HINT2: variants seen among roughly 807,000 people sequenced by gnomAD.
HINT2 encodes the protein histidine triad nucleotide binding protein 2.
HINT2 carries 17 observed loss-of-function variants against 20.0 expected under a neutral mutation model. The observed-to-expected ratio is 0.85, with a 90% CI of 0.58 to 1.27. The LOEUF is 1.27. Ranked by LOEUF, HINT2 falls within the 50% of genes most tolerant of loss-of-function variation. HINT2 has a pLI of 0.00. For missense variants in HINT2, 217 were observed against 211.9 expected (o/e 1.02, Z -0.15); for synonymous variants, 96 against 84.2 (o/e 1.14, Z -0.77).
rs985224047 is a variant in HINT2, at chr9:35,815,009, G to C, written c.-30C>G. Reference sequence around the variant, plus strand: ...CCTGAGCCGCGGGAACCTCTCACCCGGGTCAGCACTCGGCTCCGCGGCCGG... The same window carrying C: ...CCTGAGCCGCGGGAACCTCTCACCCCGGTCAGCACTCGGCTCCGCGGCCGG... On this transcript the variant is annotated 5_prime_UTR_variant, in exon 1 of 5. Coordinates refer to ENST00000259667, the MANE Select transcript of HINT2 (RefSeq NM_032593.3). The C allele has an allele frequency of 2.1e-6, 3 of 1,413,148 alleles. No individual in the cohort carries two copies. Among genetic ancestry groups the C allele is most frequent in the Non-Finnish European group, 1.8e-6 (2 of 1,089,644 alleles). The allele number at this position is 1,413,148 out of a possible 1,614,324, so 87.5% of individuals were successfully genotyped here.
chr9:35,814,690 C>A (rs1303889365), intron 1 of HINT2: 3 of 517,128 alleles, frequency 5.8e-6, no homozygotes, highest in South Asian at 5.5e-5. Context: ...GACCTCGGCG[C>A]CCCGGCCTGC....
rs1564001991 is a variant in HINT2, at chr9:35,813,687, A to AGGATCCGGGAGAAGATGGTTG, written c.158_178dup (p.Pro53_Ile59dup). 6.2e-7 allele frequency: 1 copy of AGGATCCGGGAGAAGATGGTTG among 1,614,218 alleles called. No individual in the cohort carries two copies. The highest frequency in any genetic ancestry group is 2.2e-5 in the East Asian group (1 of 44,880). On this transcript the variant is annotated inframe_insertion, in exon 2 of 5. Transcript: ENST00000259667. ...AATGTCAGCTGGGAGGCTCTTGTCC[A>AGGATCCGGGAGAAGATGGTTG]GGATCCGGGAGAAGATGGTTGGGGC...
At chr9:35,813,886 C>T in intron 1 of HINT2, 102 bp from the exon 2 acceptor site, 2 of 1,353,612 alleles carry the variant, frequency 1.5e-6, no homozygotes, top group South Asian at 2.9e-5. Context: ...CGTTCCCACC[C>T]AGGAGGAAAG....
chr9:35,814,987 G>A lies in HINT2; in HGVS notation c.-8C>T. On this transcript the variant is annotated 5_prime_UTR_variant, in exon 1 of 5. Coordinates refer to ENST00000259667, the MANE Select transcript of HINT2 (RefSeq NM_032593.3). ...CACCACGGCTGCCGCCATCTTCCCT[G>A]AGCCGCGGGAACCTCTCACCCGGGT... The A allele has an allele frequency of 6.9e-7, 1 of 1,458,536 alleles. No homozygotes were observed. The highest frequency in any genetic ancestry group is 1.5e-5 in the African/African-American group (1 of 67,860). The allele number at this position is 1,458,536 out of a possible 1,614,324, so 90.3% of individuals were successfully genotyped here. A position where few individuals can be genotyped will look rare whatever the true frequency, so the allele number is the denominator to read the frequency against.
At position 35,813,791 on chromosome 9, in the gene HINT2, G is replaced by T. The variant is rs750288278; in HGVS notation, c.82-7C>A. 1 of 1,609,688 alleles carries T rather than the reference G, an allele frequency of 6.2e-7. No homozygotes were observed. Among genetic ancestry groups the T allele is most frequent in the East Asian group, 2.2e-5 (1 of 44,786 alleles). The stretch of plus-strand genomic sequence containing the variant: ...CACCTGCAGCTCCTCGGACCTGAAG[G>T]TGGATCGACCATATTCAAAGGAGGG... On this transcript the variant is annotated splice_region_variant and splice_polypyrimidine_tract_variant and intron_variant, in intron 1 of 4. Coordinates refer to ENST00000259667, the MANE Select transcript of HINT2 (RefSeq NM_032593.3).
At chr9:35,814,794 C>A in intron 1 of HINT2, 105 bp downstream of exon 1, 1 of 1,011,122 alleles carries the variant, frequency 9.9e-7, no homozygotes. Flanking sequence ...GGGCAGAGGC[C>A]ACAGGCAGGA....
chr9:35,813,830 T>C (rs1285664298), intron 1 of HINT2, 46 bp from the exon 2 acceptor site: 1 of 1,572,398 alleles, frequency 6.4e-7, no homozygotes, highest in African/African-American at 1.4e-5. Flanking sequence ...TGGCAGAAGC[T>C]GGGCTCTGAT....
upstream of HINT2, chr9:35,815,301 T>G: frequency 3.4e-6 from 1 of 292,216 alleles, no homozygotes; most frequent in East Asian, 6.2e-5. Context: ...TCCACTCCAT[T>G]GGAAGGATTA....
upstream of HINT2, chr9:35,815,083 G>T: frequency 9.4e-7 from 1 of 1,062,518 alleles, no homozygotes. Context: ...TGGCGGCCGG[G>T]CGAGCCCTGC....
chr9:35,815,067 G>C (rs1373615829), upstream of HINT2: 1 of 1,208,122 alleles, frequency 8.3e-7, no homozygotes, highest in South Asian at 1.9e-5. Flanking sequence ...CGGGGAAGCG[G>C]GGTAGTGGCG....
rs555207559 is a variant in HINT2 at position 35,813,146 on chromosome 9, C to T, written c.401-1G>A. 1.2e-6 allele frequency: 2 copies of T among 1,614,136 alleles called. No homozygotes were observed. The highest frequency in any genetic ancestry group is 1.3e-5 in the African/African-American group (1 of 75,024). On this transcript the variant is annotated splice_acceptor_variant, in intron 4 of 4. Coordinates refer to ENST00000259667, the MANE Select transcript of HINT2 (RefSeq NM_032593.3). LOFTEE classifies it high-confidence loss of function. ...GCACCCAGCTTCCCATCGTTGATCA[C>T]TGAAATTGAGCTTGGGGTTAGGGAG...
upstream of HINT2, chr9:35,815,108 G>C (rs1828989047): frequency 4.8e-6 from 4 of 828,328 alleles, no homozygotes; most frequent in Admixed American, 8.6e-5. Context: ...CCATTGGAGC[G>C]CGCCTCTGAG....
Position 35,813,448 on chromosome 9 carries a change from C to T in HINT2, c.324G>A (p.Gln108=), listed in dbSNP as rs775865183. ...PRISQAEEED[Q]QLLGHLLLVA... ...ACCCTGGCCCTGTTCTTCCCACCTG[C>T]TGGTCTTCTTCTTCAGCCTGGCTAA... The change falls in exon 3 of 5, where the codon CAG becomes CAA. Residue 108 remains glutamine, a synonymous_variant. Transcript: ENST00000259667. The T allele has an allele frequency of 6.2e-7, 1 of 1,614,192 alleles. No homozygotes were observed. Among genetic ancestry groups the T allele is most frequent in the Admixed American group, 1.7e-5 (1 of 60,028 alleles).
intron 1 of HINT2, 63 bp downstream of exon 1, chr9:35,814,836 C>G: frequency 7.2e-7 from 1 of 1,380,014 alleles, no homozygotes; most frequent in Non-Finnish European, 9.6e-7. Context: ...CTTCGGGACC[C>G]CCTGGCCCCG....
In HINT2 at chr9:35,813,803, T is replaced by C. The variant is rs1245786660; in HGVS notation, c.82-19A>G. 1.9e-6 allele frequency: 3 copies of C among 1,600,538 alleles called. No homozygotes were observed. The highest frequency in any genetic ancestry group is 1.3e-5 in the African/African-American group (1 of 74,600). On this transcript the variant is annotated intron_variant, in intron 1 of 4. Coordinates refer to ENST00000259667, the MANE Select transcript of HINT2 (RefSeq NM_032593.3). Reference sequence around the variant, plus strand: ...CTCGGACCTGAAGGTGGATCGACCATATTCAAAGGAGGGAGCTGGCAGAAG... The same window carrying C: ...CTCGGACCTGAAGGTGGATCGACCACATTCAAAGGAGGGAGCTGGCAGAAG...
At chr9:35,813,992 G>A in intron 1 of HINT2, 2 of 585,062 alleles carry the variant, frequency 3.4e-6, no homozygotes, top group Admixed American at 3.1e-5. Flanking sequence ...ATTCAGCAGT[G>A]CAATTGATTC....
Position 35,813,515 on chromosome 9 carries a change from G to A in HINT2, c.257C>T (p.Pro86Leu). 1 of 1,614,206 alleles carries A rather than the reference G, an allele frequency of 6.2e-7. No homozygotes were observed. The highest frequency in any genetic ancestry group is 1.3e-5 in the African/African-American group (1 of 75,052). ...LVFRDVAPQA[P>L]VHFLVIPKKP... is the part of the protein sequence containing the mutation. ...CTTAGGAATGACCAGGAAGTGCACA[G>A]GAGCCTGAGGGGCCACATCACGGAA... The change falls in exon 3 of 5, where the codon CCT becomes CTT. Residue 86 changes from proline to leucine, a missense_variant. Pro to Leu is a moderately conservative substitution (Grantham distance 98). Coordinates refer to ENST00000259667, the MANE Select transcript of HINT2 (RefSeq NM_032593.3).
In HINT2 at chr9:35,813,755, C is replaced by A. The variant is rs1424616344; in HGVS notation, c.111G>T (p.Gly37=). 6.2e-7 allele frequency: 1 copy of A among 1,613,776 alleles called. No individual in the cohort carries two copies. The highest frequency in any genetic ancestry group is 8.5e-7 in the Non-Finnish European group (1 of 1,179,830). Residue 37 remains glycine (G), a synonymous_variant, in exon 2 of 5, where the codon GGG becomes GGT. Coordinates refer to ENST00000259667, the MANE Select transcript of HINT2 (RefSeq NM_032593.3). ...CCTGCTGGGCCTTGGCCACTTCATT[C>A]CCATCAGTCACACCTGCAGCTCCTC... is the stretch of plus-strand genomic sequence containing the variant. ...QVRGAAGVTD[G]NEVAKAQQAT... is the part of the protein sequence containing the mutation.
intron 3 of HINT2, 25 bp from the exon 4 acceptor site, chr9:35,813,363 G>A: frequency 6.2e-7 from 1 of 1,611,096 alleles, no homozygotes; most frequent in Non-Finnish European, 8.5e-7. Context: ...GAGGGACATA[G>A]GTGGCTTCAT....
Sources: gnomAD v4.1 joint callset for allele counts on GRCh38, gnomAD v4.1.1 for gene constraint, MANE v1.5 for transcripts, NCBI Gene and HGNC (gene_info 2026-07-23, HGNC 2026-07-21) for gene names.